Variants in NRXN1 observed in about 807,000 individuals in gnomAD.
NRXN1 encodes neurexin-1.
In NRXN1, 39 loss-of-function variants were observed where a neutral mutation model predicts 150.9. That is an observed-to-expected ratio of 0.26 (90% confidence interval 0.20 to 0.34). The LOEUF (loss-of-function observed/expected upper bound fraction) is 0.34. NRXN1 is among the 10% of genes least tolerant of loss of function. NRXN1 has a pLI of 1.00. For synonymous variants in NRXN1, 924 were observed against 757.0 expected (o/e 1.22, Z -3.62); for missense variants, 1,815 against 1,949.9 (o/e 0.93, Z 1.30).
chr2:50,511,056 C>A (rs1021587681), intron 12 of NRXN1, among the ~76,000 whole-genome samples: 4 of 147,116 alleles, frequency 2.7e-5, no homozygotes, highest in Admixed American at 2.0e-4. Context: ...GTCTAACAAG[C>A]TTTTTTTTTT....
intron 2 of NRXN1, among the ~76,000 whole-genome samples, chr2:50,932,690 A>C (rs1214256571): frequency 6.6e-6 from 1 of 152,102 alleles, no homozygotes; most frequent in Non-Finnish European, 1.5e-5. Flanking sequence ...GAACTTATCC[A>C]TGCAACCAAA....
chr2:50,862,812 C>T (rs1336707376), intron 5 of NRXN1, among the ~76,000 whole-genome samples: 1 of 152,040 alleles, frequency 6.6e-6, no homozygotes, highest in East Asian at 1.9e-4. Context: ...AAATGTGCCT[C>T]ATATCACGAA....
chr2:50,009,863 G>A (rs1166562266), intron 21 of NRXN1, among the ~76,000 whole-genome samples: 1 of 152,104 alleles, frequency 6.6e-6, no homozygotes, highest in Non-Finnish European at 1.5e-5. Flanking sequence ...CATAACTACT[G>A]TAATCAATCT....
chr2:50,768,921 C>T (rs1396125753), intron 5 of NRXN1, among the ~76,000 whole-genome samples: 1 of 151,734 alleles, frequency 6.6e-6, no homozygotes. Context: ...CAACAACACA[C>T]ACACACACAC....
At chr2:50,405,433 CT>C (rs1256773163) in intron 17 of NRXN1, among the ~76,000 whole-genome samples, 1 of 152,106 alleles carries the variant, frequency 6.6e-6, no homozygotes, top group Non-Finnish European at 1.5e-5. Flanking sequence ...AAATGAAGAT[CT>C]CTTAAGGGCA....
intron 2 of NRXN1, among the ~76,000 whole-genome samples, chr2:50,939,007 C>G (rs71411519): frequency 6.6e-6 from 1 of 151,752 alleles, no homozygotes; most frequent in South Asian, 2.1e-4. Context: ...GTCAGGAGAT[C>G]GAGACCATCC....
intron 21 of NRXN1, among the ~76,000 whole-genome samples, chr2:50,004,501 C>T (rs1684450731): frequency 6.6e-6 from 1 of 152,140 alleles, no homozygotes; most frequent in Non-Finnish European, 1.5e-5. Flanking sequence ...CTTCTCCCTA[C>T]TGCTAATTTA....
rs968111940 is a variant in NRXN1 at position 50,654,039 on chromosome 2, T to C, written c.833-30424A>G. 5.3e-5 allele frequency among the ~76,000 whole-genome samples: 8 copies of C among 151,764 alleles called. No homozygotes were observed. In the East Asian group the frequency reaches 1.6e-3, roughly 30 times the overall value. On this transcript the variant is annotated intron_variant, in intron 5 of 22. Coordinates refer to ENST00000401669, the MANE Select transcript of NRXN1 (RefSeq NM_001330078.2). ...TGCATTTATTCATTCTTTTTCTCTTTTTTTTTATACTTTAAGTTTTAGGGT... is the reference window on the plus strand; with the variant it reads ...TGCATTTATTCATTCTTTTTCTCTTCTTTTTTATACTTTAAGTTTTAGGGT...
At chr2:50,905,348 A>G (rs1295012003) in intron 5 of NRXN1, among the ~76,000 whole-genome samples, 1 of 152,180 alleles carries the variant, frequency 6.6e-6, no homozygotes, top group African/African-American at 2.4e-5. Context: ...CAGCTATTTA[A>G]GGAACCTGGT....
chr2:50,277,003 A>G (rs1291424707), intron 17 of NRXN1, among the ~76,000 whole-genome samples: 2 of 152,154 alleles, frequency 1.3e-5, no homozygotes, highest in Non-Finnish European at 2.9e-5. Flanking sequence ...TACCTGTATG[A>G]CAAACAGTTC....
intron 15 of NRXN1, among the ~76,000 whole-genome samples, chr2:50,474,341 A>C (rs2089788827): frequency 6.6e-6 from 1 of 151,842 alleles, no homozygotes; most frequent in South Asian, 2.1e-4. Context: ...TTTACATAAG[A>C]AAAGTAAAGC....
rs567927363 is a variant in NRXN1 at position 50,063,216 on chromosome 2, G to C, written c.3719-8172C>G. On this transcript the variant is annotated intron_variant, in intron 19 of 22. Transcript: ENST00000401669. ...TGCAAATACCATAATGCCTCACTTG[G>C]CTGATAATGTTCCAAATAAATAGAT... 5.9e-5 allele frequency among the ~76,000 whole-genome samples: 9 copies of C among 152,226 alleles called. No homozygotes were observed. The East Asian group carries it at 1.4e-3, about 23-fold the overall frequency.
chr2:51,023,825 C>T (rs559685962), intron 2 of NRXN1, among the ~76,000 whole-genome samples: 47 of 152,284 alleles, frequency 3.1e-4, no homozygotes, highest in African/African-American at 9.6e-4. Flanking sequence ...TATCTGGTCA[C>T]ATTCACAAAG....
At chr2:50,153,981 T>A (rs1306709295) in intron 18 of NRXN1, among the ~76,000 whole-genome samples, 1 of 151,776 alleles carries the variant, frequency 6.6e-6, no homozygotes, top group Non-Finnish European at 1.5e-5. Flanking sequence ...GATAGATAGT[T>A]GCTGCTAAAC....
intron 18 of NRXN1, among the ~76,000 whole-genome samples, chr2:50,097,252 G>C (rs1253581926): frequency 6.6e-6 from 1 of 152,172 alleles, no homozygotes; most frequent in Admixed American, 6.5e-5. Flanking sequence ...ACTCAGGAGG[G>C]CATGTAGATT....
At chr2:50,248,186 T>A (rs926775723) in intron 17 of NRXN1, among the ~76,000 whole-genome samples, 5 of 152,020 alleles carry the variant, frequency 3.3e-5, no homozygotes, top group Admixed American at 1.3e-4. Context: ...GCGAATTTTT[T>A]AATATTTTCT....
chr2:50,911,074 C>T (rs550174197), intron 5 of NRXN1, among the ~76,000 whole-genome samples: 35 of 152,076 alleles, frequency 2.3e-4, no homozygotes, highest in African/African-American at 7.9e-4. Context: ...TGATTTATTG[C>T]AACAGATGGG....
Position 50,052,020 on chromosome 2 carries a change from T to A in NRXN1, c.4128+1251A>T, listed in dbSNP as rs74479178. Among the ~76,000 whole-genome samples the A allele has an allele frequency of 5.9e-3, 896 of 152,166 alleles. 22 individuals carry two copies. Among genetic ancestry groups the A allele is most frequent in the East Asian group, 0.037 (191 of 5,164 alleles). On this transcript the variant is annotated intron_variant, in intron 21 of 22. Coordinates refer to ENST00000401669, the MANE Select transcript of NRXN1 (RefSeq NM_001330078.2). ...TTTTGCCCATCCCTCTTCTAGGACA[T>A]TTTCTCTTCATCTATTCTGTTCCTC... is the stretch of plus-strand genomic sequence containing the variant.
intron 17 of NRXN1, among the ~76,000 whole-genome samples, chr2:50,409,668 T>A (rs2083004542): frequency 6.6e-6 from 1 of 152,220 alleles, no homozygotes; most frequent in African/African-American, 2.4e-5. Flanking sequence ...TTAAGCCCTG[T>A]TACCACCAAA....
Sources: allele counts gnomAD v4.1 joint callset (sites outside exome capture counted in the v4.1 genomes callset), GRCh38; gene constraint gnomAD v4.1.1; transcripts MANE v1.5; gene names NCBI Gene and HGNC (gene_info 2026-07-23, HGNC 2026-07-21).